Variants in PTPRD observed in about 807,000 individuals in gnomAD.
The protein encoded by PTPRD is protein tyrosine phosphatase receptor type D.
In PTPRD, 34 loss-of-function variants were observed where a neutral mutation model predicts 214.5. That is an observed-to-expected ratio of 0.16 (90% confidence interval 0.12 to 0.21). PTPRD has a LOEUF of 0.21. Among genes scored for constraint, PTPRD ranks in the 10% least tolerant of loss-of-function variants. PTPRD has a pLI of 1.00. For synonymous variants in PTPRD, 1,128 were observed against 845.7 expected (o/e 1.33, Z -5.79); for missense variants, 2,545 against 2,398.7 (o/e 1.06, Z -1.27).
chr9:9,050,381 T>C (rs1009057097), intron 10 of PTPRD, among the ~76,000 whole-genome samples: 1 of 152,172 alleles, frequency 6.6e-6, no homozygotes, highest in African/African-American at 2.4e-5. Context: ...ATTTGAACCA[T>C]GGACGTTTCC....
intron 2 of PTPRD, among the ~76,000 whole-genome samples, chr9:10,525,742 G>A (rs1027933287): frequency 2.0e-5 from 3 of 151,608 alleles, no homozygotes; most frequent in Admixed American, 6.6e-5. Context: ...GTGTGTGTGT[G>A]TGTGTGTGTG....
chr9:8,391,588 C>T (rs533207130), intron 36 of PTPRD, among the ~76,000 whole-genome samples: 31 of 152,278 alleles, frequency 2.0e-4, no homozygotes, highest in African/African-American at 5.8e-4. Context: ...ATCCATCTAA[C>T]AGGAAAAACC....
At chr9:8,673,817 T>C (rs951555033) in intron 12 of PTPRD, among the ~76,000 whole-genome samples, 1 of 152,166 alleles carries the variant, frequency 6.6e-6, no homozygotes, top group Non-Finnish European at 1.5e-5. Flanking sequence ...GCTATTGACA[T>C]TGGGGGCTGC....
intron 3 of PTPRD, among the ~76,000 whole-genome samples, chr9:10,129,575 C>G (rs74404211): frequency 2.6e-4 from 39 of 147,478 alleles, no homozygotes; most frequent in Non-Finnish European, 4.8e-4. Context: ...ATCTCACCTA[C>G]TATCAAGAAA....
chr9:9,796,507 C>G (rs924060799), intron 5 of PTPRD, among the ~76,000 whole-genome samples: 7 of 151,982 alleles, frequency 4.6e-5, no homozygotes, highest in African/African-American at 1.7e-4. Context: ...TTGCTGACAG[C>G]TAAAGCTAAG....
intron 4 of PTPRD, among the ~76,000 whole-genome samples, chr9:9,960,444 C>A (rs1434091215): frequency 6.6e-6 from 1 of 151,990 alleles, no homozygotes; most frequent in African/African-American, 2.4e-5. Flanking sequence ...GACTTGCTTC[C>A]AAGAGTACAG....
chr9:10,172,784 C>T (rs2099218314), intron 3 of PTPRD, among the ~76,000 whole-genome samples: 1 of 152,158 alleles, frequency 6.6e-6, no homozygotes, highest in African/African-American at 2.4e-5. Flanking sequence ...ATACCCAGGC[C>T]ACTTAGCATT....
chr9:9,155,462 C>A (rs1569555552), intron 10 of PTPRD, among the ~76,000 whole-genome samples: 1 of 152,050 alleles, frequency 6.6e-6, no homozygotes, highest in Non-Finnish European at 1.5e-5. Flanking sequence ...AAGTCTCTAG[C>A]CTACAAAGGT....
intron 5 of PTPRD, among the ~76,000 whole-genome samples, chr9:9,787,144 TA>T (rs55842517): frequency 1.5e-4 from 22 of 148,038 alleles, no homozygotes; most frequent in South Asian, 8.5e-4. Context: ...CTCAATTTAA[TA>T]AAAAAAAAAT....
At chr9:9,274,223 G>T (rs990257061) in intron 9 of PTPRD, among the ~76,000 whole-genome samples, 1 of 151,206 alleles carries the variant, frequency 6.6e-6, no homozygotes, top group Non-Finnish European at 1.5e-5. Context: ...CTTGTACATG[G>T]TATAACATAT....
chr9:10,428,617 A>G (rs1344687267), intron 2 of PTPRD, among the ~76,000 whole-genome samples: 1 of 152,078 alleles, frequency 6.6e-6, no homozygotes, highest in Non-Finnish European at 1.5e-5. Flanking sequence ...ATATAGGTTC[A>G]GAGAGGATGT....
chr9:8,551,020 G>C (rs928026087), intron 14 of PTPRD, among the ~76,000 whole-genome samples: 2 of 152,144 alleles, frequency 1.3e-5, no homozygotes, highest in African/African-American at 4.8e-5. Flanking sequence ...TTTCACTCCT[G>C]GCACTCCCAT....
chr9:9,093,845 C>T (rs2099779728), intron 10 of PTPRD, among the ~76,000 whole-genome samples: 1 of 150,478 alleles, frequency 6.6e-6, no homozygotes, highest in Non-Finnish European at 1.5e-5. Flanking sequence ...ATATGAAAAA[C>T]AGAAATACAA....
At chr9:9,286,116 G>A (rs559687655) in intron 9 of PTPRD, among the ~76,000 whole-genome samples, 10 of 151,712 alleles carry the variant, frequency 6.6e-5, no homozygotes, top group East Asian at 2.0e-4. Context: ...GTGACAACCC[G>A]GATATTCTAT....
chr9:9,822,568 T>TC (rs2051170836), intron 5 of PTPRD, among the ~76,000 whole-genome samples: 1 of 149,872 alleles, frequency 6.7e-6, no homozygotes, highest in Admixed American at 6.7e-5. Context: ...TATCATATCA[T>TC]CCATTTATTT....
intron 11 of PTPRD, among the ~76,000 whole-genome samples, chr9:8,774,507 A>G (rs1052593590): frequency 2.9e-5 from 4 of 138,004 alleles, no homozygotes; most frequent in Admixed American, 1.4e-4. Context: ...ACGCATAACC[A>G]AAATGCATGT....
chr9:8,789,574 A>T (rs887535344), intron 11 of PTPRD, among the ~76,000 whole-genome samples: 13 of 152,114 alleles, frequency 8.5e-5, no homozygotes, highest in African/African-American at 2.4e-4. Flanking sequence ...TCAAGTTTAA[A>T]TTCCGTTATT....
chr9:8,323,024 TA>T (rs1362641280), intron 44 of PTPRD, among the ~76,000 whole-genome samples: 15 of 152,242 alleles, frequency 9.9e-5, no homozygotes, highest in African/African-American at 3.1e-4. Flanking sequence ...TAAGTTTTAG[TA>T]AGGAAGGCAC....
chr9:9,653,340 C>G (rs1301222685), intron 7 of PTPRD, among the ~76,000 whole-genome samples: 1 of 85,586 alleles, frequency 1.2e-5, no homozygotes, highest in East Asian at 3.8e-4. Context: ...CAGAGCGAGA[C>G]TCCGTCTCAA....
Sources: allele counts gnomAD v4.1 joint callset (sites outside exome capture counted in the v4.1 genomes callset), GRCh38; gene constraint gnomAD v4.1.1; transcripts MANE v1.5; gene names NCBI Gene and HGNC (gene_info 2026-07-23, HGNC 2026-07-21).